NFAT5: variants seen among roughly 807,000 people sequenced by gnomAD.
NFAT5 encodes the protein nuclear factor of activated T cells 5.
NFAT5 carries 31 observed loss-of-function variants against 166.5 expected under a neutral mutation model. That is an observed-to-expected ratio of 0.19 (90% CI 0.14 to 0.25). The LOEUF is 0.25. Ranked by LOEUF, NFAT5 falls within the 10% of genes least tolerant of loss-of-function variation. The probability of loss-of-function intolerance (pLI) is 1.00; values close to 1 mark genes in which losing one functional copy is unlikely to be tolerated. For synonymous variants in NFAT5, 612 were observed against 639.7 expected (o/e 0.96, Z 0.65); for missense variants, 1,449 against 1,821.8 (o/e 0.80, Z 3.72).
chr16:69,671,560 G>A (rs1046894487), intron 9 of NFAT5, among the ~76,000 whole-genome samples: 1 of 152,118 alleles, frequency 6.6e-6, no homozygotes, highest in Non-Finnish European at 1.5e-5. Context: ...TAGAAGAGAC[G>A]GGGTTTCACC....
chr16:69,604,009 T>C (rs923026234), intron 2 of NFAT5, among the ~76,000 whole-genome samples: 2 of 152,206 alleles, frequency 1.3e-5, no homozygotes, highest in African/African-American at 4.8e-5. Context: ...GTTTTAATTC[T>C]TTCTAATAGC....
At chr16:69,596,622 G>T (rs142511337) in intron 2 of NFAT5, among the ~76,000 whole-genome samples, 3 of 151,538 alleles carry the variant, frequency 2.0e-5, no homozygotes, top group African/African-American at 7.3e-5. Context: ...GGAGGCTGAC[G>T]CAGGAGAATC....
intron 9 of NFAT5, among the ~76,000 whole-genome samples, chr16:69,673,748 G>A (rs2036719979): frequency 6.6e-6 from 1 of 151,856 alleles, no homozygotes; most frequent in South Asian, 2.1e-4. Flanking sequence ...AACACACTTT[G>A]GATGTGATCA....
intron 7 of NFAT5, among the ~76,000 whole-genome samples, chr16:69,668,854 ATTT>A (rs1199659081): frequency 6.6e-6 from 1 of 151,858 alleles, no homozygotes; most frequent in Non-Finnish European, 1.5e-5. Flanking sequence ...AATTTTTTGT[ATTT>A]TTAGTAGAAA....
intron 10 of NFAT5, among the ~76,000 whole-genome samples, chr16:69,683,426 G>A (rs2037154251): frequency 6.6e-6 from 1 of 151,976 alleles, no homozygotes; most frequent in African/African-American, 2.4e-5. Context: ...CAGCTACTCA[G>A]GAGGCTGAGG....
chr16:69,587,944 C>CTTTTTTTTTT (rs61460423), intron 2 of NFAT5, among the ~76,000 whole-genome samples: 1 of 68,232 alleles, frequency 1.5e-5, no homozygotes, highest in African/African-American at 5.6e-5. Flanking sequence ...ATAGTGCTTT[C>CTTTTTTTTTT]TTTTTTTTTT....
chr16:69,679,240 ATTC>A (rs758694144), intron 10 of NFAT5, among the ~76,000 whole-genome samples: 1 of 151,974 alleles, frequency 6.6e-6, no homozygotes, highest in East Asian at 1.9e-4. Flanking sequence ...CTCATATTTT[ATTC>A]TTAATCGTAT....
rs2015997869 is a variant in NFAT5, at chr16:69,565,977, A to AGCGGCGGCGGCGGTG, written c.-318_-304dup. 3.3e-6 allele frequency: 1 copy of AGCGGCGGCGGCGGTG among 302,986 alleles called. No homozygotes were observed. The highest frequency in any genetic ancestry group is 6.1e-6 in the Non-Finnish European group (1 of 163,390). The allele number at this position is 302,986 out of a possible 1,614,324, so 18.8% of individuals were successfully genotyped here. ...CGGGGGCGGGGCTCAGATTCCTGTC[A>AGCGGCGGCGGCGGTG]GCGGCGGCGGCGGTGGCGGCGACCG... On this transcript the variant is annotated 5_prime_UTR_variant, in exon 1 of 15. Transcript: ENST00000349945.
Position 69,684,990 on chromosome 16 carries a change from C to T in NFAT5, c.1774+20C>T. The T allele has an allele frequency of 6.4e-7, 1 of 1,574,458 alleles. No individual in the cohort carries two copies. The highest frequency in any genetic ancestry group is 1.4e-5 in the African/African-American group (1 of 73,858). Reference sequence around the variant, plus strand: ...TGAAAGGTACCAAGTAAATTCTTCTCAAAAATCGTAATTGGGTGCTCCTGT... The same window carrying T: ...TGAAAGGTACCAAGTAAATTCTTCTTAAAAATCGTAATTGGGTGCTCCTGT... On this transcript the variant is annotated intron_variant, in intron 11 of 14. Coordinates refer to ENST00000349945, the MANE Select transcript of NFAT5 (RefSeq NM_138713.4).
At position 69,699,579 on chromosome 16, in the gene NFAT5, A is replaced by G. The variant is rs570218134; in HGVS notation, c.*3228A>G. The G allele has an allele frequency of 6.5e-6, 1 of 152,728 alleles. No individual in the cohort carries two copies. Among genetic ancestry groups the G allele is most frequent in the East Asian group, 1.9e-4 (1 of 5,192 alleles). The allele number at this position is 152,728 out of a possible 1,614,324, so 9.5% of individuals were successfully genotyped here. A position where few individuals can be genotyped will look rare whatever the true frequency, so the allele number is the denominator to read the frequency against. On this transcript the variant is annotated 3_prime_UTR_variant, in exon 15 of 15. Transcript: ENST00000349945. Reference sequence around the variant, plus strand: ...TACGAAGAGTATTCATCTTCTTTGAAGCTCAGTGGTTGATATTTGTGCTAA... The same window carrying G: ...TACGAAGAGTATTCATCTTCTTTGAGGCTCAGTGGTTGATATTTGTGCTAA...
chr16:69,667,677 A>T (rs924930935), intron 7 of NFAT5, among the ~76,000 whole-genome samples: 51 of 152,188 alleles, frequency 3.4e-4, no homozygotes, highest in African/African-American at 1.2e-3. Flanking sequence ...TGGAATTTCC[A>T]CACAGTATTT....
Position 69,695,378 on chromosome 16 carries a change from A to G in NFAT5, c.*7A>G, listed in dbSNP as rs375893209. 3.8e-5 allele frequency: 60 copies of G among 1,598,930 alleles called. No individual in the cohort carries two copies. Among genetic ancestry groups the G allele is most frequent in the Non-Finnish European group, 5.0e-5 (58 of 1,166,448 alleles). ...CTTGACTGGCTCCTTTTAACTGGAT[A>G]TGTAAGTATTGCATTTTGGCTTCTT... On this transcript the variant is annotated splice_region_variant and 3_prime_UTR_variant, in exon 14 of 15. Coordinates refer to ENST00000349945, the MANE Select transcript of NFAT5 (RefSeq NM_138713.4).
chr16:69,668,917 TTCTTA>T (rs1395291916), intron 7 of NFAT5, among the ~76,000 whole-genome samples: 1 of 152,092 alleles, frequency 6.6e-6, no homozygotes, highest in African/African-American at 2.4e-5. Context: ...AGCAATCCTT[TTCTTA>T]TATTTCTTCA....
At chr16:69,572,141 C>T (rs183984764) in intron 2 of NFAT5, among the ~76,000 whole-genome samples, 33 of 152,282 alleles carry the variant, frequency 2.2e-4, no homozygotes, top group African/African-American at 7.5e-4. Context: ...ACCTTCCTAT[C>T]AAAACAGTGC....
chr16:69,695,688 CA>C (rs35634481), intron 14 of NFAT5: 1,689 of 118,644 alleles, frequency 0.014, no homozygotes, highest in Middle Eastern at 0.025. Flanking sequence ...CTAAAAAATA[CA>C]AAAAAAAAAA....
At chr16:69,567,830 C>T (rs1359320175) in intron 1 of NFAT5, among the ~76,000 whole-genome samples, 1 of 152,022 alleles carries the variant, frequency 6.6e-6, no homozygotes, top group African/African-American at 2.4e-5. Flanking sequence ...TAGAGCAGGG[C>T]TAATGTGTTA....
At chr16:69,661,276 T>C in intron 7 of NFAT5, among the ~76,000 whole-genome samples, 1 of 150,860 alleles carries the variant, frequency 6.6e-6, no homozygotes, top group Non-Finnish European at 1.5e-5. Flanking sequence ...TCCAGCTGTT[T>C]AAACCTGCCA....
chr16:69,658,477 C>CT (rs1281459149), intron 6 of NFAT5, among the ~76,000 whole-genome samples: 2 of 148,310 alleles, frequency 1.3e-5, no homozygotes, highest in East Asian at 2.0e-4. Context: ...GAGCGAAACT[C>CT]TGTCTCAAAA....
At position 69,677,311 on chromosome 16, in the gene NFAT5, C is replaced by T. The variant is rs745504822; in HGVS notation, c.1666C>T (p.Pro556Ser). The change falls in exon 10 of 15, where the codon CCA (proline) becomes TCA (serine). Residue 556 changes from proline to serine, a missense_variant. Pro to Ser is a moderately conservative substitution (Grantham distance 74, BLOSUM62 -1). Transcript: ENST00000349945. ...TNAGRSHDVQ[P>S]FTYTPDPAAA... ...TGCTGGAAGATCTCATGATGTTCAA[C>T]CATTCACTTACACTCCAGACCCAGG... 1.2e-6 allele frequency: 2 copies of T among 1,608,834 alleles called. No individual in the cohort carries two copies. The highest frequency in any genetic ancestry group is 2.2e-5 in the South Asian group (2 of 89,370).
Sources: allele counts gnomAD v4.1 joint callset (sites outside exome capture counted in the v4.1 genomes callset), GRCh38; gene constraint gnomAD v4.1.1; transcripts MANE v1.5; gene names NCBI Gene and HGNC (gene_info 2026-07-23, HGNC 2026-07-21).